VSX2: variants seen among roughly 807,000 people sequenced by gnomAD.
VSX2 encodes visual system homeobox 2, also known as ceh-10 homeo domain containing homolog.
In VSX2, 28 loss-of-function variants were observed where a neutral mutation model predicts 32.1. That is an observed-to-expected ratio of 0.87 (90% CI 0.65 to 1.20). The LOEUF (loss-of-function observed/expected upper bound fraction) is 1.20, where lower values mean the gene tolerates loss of function less well. VSX2 is among the 50% of genes most tolerant of loss of function. The pLI is 0.00. For synonymous variants in VSX2, 243 were observed against 214.1 expected (o/e 1.14, Z -1.18); for missense variants, 506 against 488.7 (o/e 1.04, Z -0.33).
intron 3 of VSX2, among the ~76,000 whole-genome samples, chr14:74,249,774 C>T (rs2079217787): frequency 6.6e-6 from 1 of 152,064 alleles, no homozygotes; most frequent in African/African-American, 2.4e-5. Flanking sequence ...ACAGTGATGA[C>T]AAACCAGTCC....
chr14:74,257,727 C>G (rs935366247), intron 3 of VSX2, among the ~76,000 whole-genome samples: 2 of 151,930 alleles, frequency 1.3e-5, no homozygotes, highest in Non-Finnish European at 2.9e-5. Flanking sequence ...CCCACTTCCC[C>G]CGAGCCCCGC....
At chr14:74,257,718 C>CG (rs1346680242) in intron 3 of VSX2, among the ~76,000 whole-genome samples, 1 of 150,710 alleles carries the variant, frequency 6.6e-6, no homozygotes, top group Non-Finnish European at 1.5e-5. Context: ...CACCCCCCAC[C>CG]CACTTCCCCC....
chr14:74,259,162 C>T (rs145213806), intron 3 of VSX2, among the ~76,000 whole-genome samples: 2,632 of 152,306 alleles, frequency 0.017, 82 homozygotes, highest in Admixed American at 0.086. Context: ...GGTTGTGACT[C>T]TGGGCTTCTG....
chr14:74,246,767 C>T (rs1361502580), intron 3 of VSX2, among the ~76,000 whole-genome samples: 1 of 152,030 alleles, frequency 6.6e-6, no homozygotes, highest in African/African-American at 2.4e-5. Context: ...CGGTATTGAC[C>T]AGAATGAAGG....
At position 74,262,499 on chromosome 14, in the gene VSX2, A is replaced by C. The variant is rs2079315189; in HGVS notation, c.*1580A>C. On this transcript the variant is annotated 3_prime_UTR_variant, in exon 5 of 5. Coordinates refer to ENST00000261980, the MANE Select transcript of VSX2 (RefSeq NM_182894.3). ...CATATCAAAAGTTGATTTCTTCTTC[A>C]TTCCATTTATGGAACTTCCCTCCCC... The C allele has an allele frequency of 6.6e-6, 1 of 152,154 alleles. No homozygotes were observed. The highest frequency in any genetic ancestry group is 2.1e-4 in the South Asian group (1 of 4,826). The allele number at this position is 152,154 out of a possible 1,614,324, so 9.4% of individuals were successfully genotyped here.
intron 3 of VSX2, among the ~76,000 whole-genome samples, chr14:74,249,929 G>A (rs1328226807): frequency 6.6e-6 from 1 of 152,026 alleles, no homozygotes; most frequent in East Asian, 1.9e-4. Context: ...TCAGACTCAG[G>A]CACACCGTCT....
At position 74,239,623 on chromosome 14, in the gene VSX2, C is replaced by G; in HGVS notation, c.62C>G (p.Thr21Ser). ...KPKSETVAKS[T>S]SGGAPARCTG... ...AAATCCGAGACAGTGGCCAAGAGTA[C>G]CTCGGGGGGCGCCCCGGCCAGGTGC... is the stretch of plus-strand genomic sequence containing the variant. Residue 21 changes from threonine to serine, a missense_variant, in exon 1 of 5, where the codon ACC becomes AGC. Physicochemically the swap from Thr to Ser is moderately conservative, Grantham distance 58. Transcript: ENST00000261980. 1.3e-6 allele frequency: 2 copies of G among 1,551,178 alleles called. No homozygotes were observed. The highest frequency in any genetic ancestry group is 1.7e-6 in the Non-Finnish European group (2 of 1,146,970).
intron 3 of VSX2, among the ~76,000 whole-genome samples, chr14:74,254,392 C>G (rs2079248985): frequency 6.9e-6 from 1 of 145,458 alleles, no homozygotes; most frequent in African/African-American, 2.8e-5. Context: ...GCCTGGGCGA[C>G]AGACAGAGCG....
At chr14:74,244,913 T>TGAGAGAGAGAGAAAGAGAGAGAGAAA (rs1566884380) in intron 2 of VSX2, among the ~76,000 whole-genome samples, 1 of 59,220 alleles carries the variant, frequency 1.7e-5, no homozygotes, top group African/African-American at 3.9e-5. Flanking sequence ...TGTGTGTGTG[T>TGAGAGAGAGAGAAAGAGAGAGAGAAA]GTGTGTGTGT....
intron 3 of VSX2, among the ~76,000 whole-genome samples, chr14:74,252,199 GC>G (rs2079233258): frequency 6.6e-6 from 1 of 152,188 alleles, no homozygotes; most frequent in African/African-American, 2.4e-5. Flanking sequence ...CCTGCTGATT[GC>G]CCACGTCGAG....
intron 3 of VSX2, among the ~76,000 whole-genome samples, chr14:74,252,483 C>T (rs1049070006): frequency 3.0e-5 from 4 of 131,696 alleles, no homozygotes; most frequent in African/African-American, 8.4e-5. Context: ...CTCTGCCTCC[C>T]GAGTTCAAGC....
chr14:74,249,112 T>C (rs533001415), intron 3 of VSX2, among the ~76,000 whole-genome samples: 1 of 152,374 alleles, frequency 6.6e-6, no homozygotes, highest in Non-Finnish European at 1.5e-5. Flanking sequence ...TTTGTTTCAC[T>C]GCCAGCAAGC....
rs1248470440 is a variant in VSX2 at position 74,262,316 on chromosome 14, G to T, written c.*1397G>T. 6.6e-6 allele frequency: 1 copy of T among 152,240 alleles called. No homozygotes were observed. The highest frequency in any genetic ancestry group is 1.5e-5 in the Non-Finnish European group (1 of 68,084). The allele number at this position is 152,240 out of a possible 1,614,324, so 9.4% of individuals were successfully genotyped here. A position where few individuals can be genotyped will look rare whatever the true frequency, so the allele number is the denominator to read the frequency against. ...CTCTCCGGCCTGGCCTTTTCCATTCGCATGAACAATGGGAGCACATAGCCC... is the reference window on the plus strand; with the variant it reads ...CTCTCCGGCCTGGCCTTTTCCATTCTCATGAACAATGGGAGCACATAGCCC... On this transcript the variant is annotated 3_prime_UTR_variant, in exon 5 of 5. Transcript: ENST00000261980.
intron 3 of VSX2, among the ~76,000 whole-genome samples, chr14:74,250,814 A>G (rs991561145): frequency 6.6e-6 from 1 of 151,700 alleles, no homozygotes; most frequent in Non-Finnish European, 1.5e-5. Flanking sequence ...ACGACTGGCT[A>G]ATTTTTGTAT....
chr14:74,255,709 T>A (rs769874708), intron 3 of VSX2, among the ~76,000 whole-genome samples: 1 of 152,174 alleles, frequency 6.6e-6, no homozygotes, highest in African/African-American at 2.4e-5. Flanking sequence ...ATGGAACTCC[T>A]GGGGAAGCCA....
At chr14:74,260,536 G>T in intron 4 of VSX2, 58 bp from the exon 5 acceptor site, 1 of 1,531,578 alleles carries the variant, frequency 6.5e-7, no homozygotes, top group East Asian at 2.4e-5. Context: ...GCCGTTTTCA[G>T]TTCAAGATGG....
intron 2 of VSX2, among the ~76,000 whole-genome samples, 200 bp from the exon 3 acceptor site, chr14:74,244,965 T>TGAGAGAGAGAGAGAAAGAGAGAGAGAAA (rs1566884569): frequency 5.9e-5 from 6 of 102,144 alleles, no homozygotes; most frequent in African/African-American, 8.1e-5. Context: ...TGTGTGTGTG[T>TGAGAGAGAGAGAGAAAGAGAGAGAGAAA]GTGTGTGTGT....
intron 3 of VSX2, among the ~76,000 whole-genome samples, chr14:74,253,810 G>A (rs1247022635): frequency 6.6e-6 from 1 of 151,938 alleles, no homozygotes; most frequent in African/African-American, 2.4e-5. Flanking sequence ...CAAGCCTGTA[G>A]TCCCAGCTAC....
At chr14:74,240,399 C>A (rs1248562663) in intron 1 of VSX2, among the ~76,000 whole-genome samples, 1 of 152,146 alleles carries the variant, frequency 6.6e-6, no homozygotes. Flanking sequence ...CCGCGCTGGT[C>A]AACTGGGGTT....
Sources: gnomAD v4.1 joint callset for allele counts (sites outside exome capture counted in the v4.1 genomes callset) on GRCh38, gnomAD v4.1.1 for gene constraint, MANE v1.5 for transcripts, NCBI Gene and HGNC (gene_info 2026-07-23, HGNC 2026-07-21) for gene names.